CFAP54: variants seen among roughly 807,000 people sequenced by gnomAD.
CFAP54 encodes the protein cilia and flagella associated protein 54.
In CFAP54, 290 loss-of-function variants were observed where a neutral mutation model predicts 370.4. The observed-to-expected ratio is 0.78, with a 90% CI of 0.71 to 0.86. CFAP54 has a LOEUF of 0.86. CFAP54 is among the 40% of genes least tolerant of loss of function. The probability of loss-of-function intolerance (pLI) is 0.00; values close to 1 mark genes in which losing one functional copy is unlikely to be tolerated. For synonymous variants in CFAP54, 1,206 were observed against 1,236.5 expected (o/e 0.98, Z 0.52); for missense variants, 3,399 against 3,528.7 (o/e 0.96, Z 0.93).
intron 32 of CFAP54, among the ~76,000 whole-genome samples, chr12:96,635,866 G>T (rs1956659041): frequency 6.6e-6 from 1 of 152,182 alleles, no homozygotes; most frequent in Non-Finnish European, 1.5e-5. Context: ...TCTGAGCACA[G>T]GAGCTACTGT....
chr12:96,827,130 A>T (rs1959126966), intron 65 of CFAP54, among the ~76,000 whole-genome samples: 2 of 95,246 alleles, frequency 2.1e-5, no homozygotes, highest in African/African-American at 8.5e-5. Context: ...ATGTGCAATT[A>T]TATGTGATTA....
At chr12:96,599,812 A>T (rs145497012) in intron 26 of CFAP54, among the ~76,000 whole-genome samples, 1 of 152,178 alleles carries the variant, frequency 6.6e-6, no homozygotes, top group African/African-American at 2.4e-5. Flanking sequence ...TCTTCTTTTA[A>T]GAAGTGTCTG....
Position 96,489,807 on chromosome 12 carries a change from C to T in CFAP54, c.198C>T (p.Asp66=), listed in dbSNP as rs944866060. 2.0e-6 allele frequency: 3 copies of T among 1,535,976 alleles called. No individual in the cohort carries two copies. Among genetic ancestry groups the T allele is most frequent in the African/African-American group, 2.7e-5 (2 of 73,032 alleles). Residue 66 remains aspartate (D), a synonymous_variant, in exon 1 of 68, where the codon GAC becomes GAT. Coordinates refer to ENST00000524981, the MANE Select transcript of CFAP54 (RefSeq NM_001306084.2). The part of the protein sequence containing the change: ...LPLAVFYGPL[D]AKNPLLASCE... The stretch of plus-strand genomic sequence containing the variant: ...TAGCCGTGTTTTATGGGCCGCTGGA[C>T]GCGAAAAACCCGCTCCTGGCCTCTT...
At chr12:96,532,628 C>T (rs1343721663) in intron 9 of CFAP54, among the ~76,000 whole-genome samples, 1 of 151,936 alleles carries the variant, frequency 6.6e-6, no homozygotes, top group Non-Finnish European at 1.5e-5. Context: ...TATACCGTGC[C>T]CTTTTTTTTT....
Position 96,786,765 on chromosome 12 carries a change from A to T in CFAP54, c.8546A>T (p.Glu2849Val). The change falls in exon 62 of 68, where the codon GAA becomes GTA. Residue 2849 changes from glutamate (E) to valine (V), a missense_variant. Around this residue, in one of 3 missense-constraint regions of CFAP54, gnomAD observed 2,796 missense variants for 2,869.7 expected, o/e 0.97. Transcript: ENST00000524981. ...YNSELILRQKEVHFFLKKFLQ... is the reference protein window; with the variant it reads ...YNSELILRQKVVHFFLKKFLQ... Reference sequence around the variant, plus strand: ...TCTGAGTTGATTTTGCGCCAGAAAGAAGTGCATTTTTTCCTTAAAAAATTC... The same window carrying T: ...TCTGAGTTGATTTTGCGCCAGAAAGTAGTGCATTTTTTCCTTAAAAAATTC... 1 of 1,536,000 alleles carries T rather than the reference A, an allele frequency of 6.5e-7. No individual in the cohort carries two copies. Among genetic ancestry groups the T allele is most frequent in the South Asian group, 1.2e-5 (1 of 84,066 alleles).
At chr12:96,709,411 A>G (rs939217820) in intron 48 of CFAP54, among the ~76,000 whole-genome samples, 3 of 152,192 alleles carry the variant, frequency 2.0e-5, no homozygotes, top group Admixed American at 6.5e-5. Flanking sequence ...TTTCAATTGT[A>G]TTAGATGTTG....
intron 66 of CFAP54, among the ~76,000 whole-genome samples, chr12:96,853,474 A>C (rs1435920284): frequency 6.6e-6 from 1 of 152,150 alleles, no homozygotes; most frequent in Non-Finnish European, 1.5e-5. Flanking sequence ...TTTTGAAAGA[A>C]AGTGTATATG....
chr12:96,493,533 T>C lies in CFAP54; in HGVS notation c.317+3607T>C, dbSNP rs1321388548. ...TTTAGGAATGATAAATGCAGCTGGG[T>C]GCGGTGGCTCACGCCTGCAATCCCA... On this transcript the variant is annotated intron_variant, in intron 1 of 67. Coordinates refer to ENST00000524981, the MANE Select transcript of CFAP54 (RefSeq NM_001306084.2). Among the ~76,000 whole-genome samples the C allele has an allele frequency of 3.9e-5, 6 of 152,092 alleles. No homozygotes were observed. In the South Asian group the frequency reaches 1.2e-3, roughly 32 times the overall value.
chr12:96,843,525 G>T (rs1959249729), intron 66 of CFAP54, among the ~76,000 whole-genome samples: 1 of 152,180 alleles, frequency 6.6e-6, no homozygotes, highest in Non-Finnish European at 1.5e-5. Flanking sequence ...AGGTTCTGCT[G>T]TGCTAACAAA....
intron 60 of CFAP54, among the ~76,000 whole-genome samples, chr12:96,776,520 A>G (rs1254914141): frequency 6.6e-6 from 1 of 152,212 alleles, no homozygotes; most frequent in East Asian, 1.9e-4. Context: ...TCTGCAGACA[A>G]TCTGCTGCAA....
intron 63 of CFAP54, among the ~76,000 whole-genome samples, chr12:96,800,928 TG>T (rs1958813038): frequency 6.6e-6 from 1 of 152,212 alleles, no homozygotes; most frequent in Admixed American, 6.5e-5. Context: ...CATCTGAGCA[TG>T]GTGCCATATT....
At chr12:96,829,463 G>A (rs1053699771) in intron 66 of CFAP54, among the ~76,000 whole-genome samples, 1 of 151,644 alleles carries the variant, frequency 6.6e-6, no homozygotes, top group African/African-American at 2.4e-5. Flanking sequence ...TTTTTTCATC[G>A]AATAATAATT....
chr12:96,594,527 T>A, intron 25 of CFAP54, 81 bp downstream of exon 25: 1 of 1,153,002 alleles, frequency 8.7e-7, no homozygotes, highest in Non-Finnish European at 1.2e-6. Context: ...AAAAGCCATG[T>A]ATCTCTTATA....
chr12:96,612,232 T>C (rs1956366282), intron 26 of CFAP54, among the ~76,000 whole-genome samples: 1 of 152,216 alleles, frequency 6.6e-6, no homozygotes, highest in East Asian at 1.9e-4. Context: ...GGGGCCAATA[T>C]TCAACATTCT....
chr12:96,537,266 T>C (rs922467916), intron 12 of CFAP54, among the ~76,000 whole-genome samples: 3 of 152,148 alleles, frequency 2.0e-5, no homozygotes, highest in Non-Finnish European at 2.9e-5. Flanking sequence ...AGCTTTTGCC[T>C]TTCCTTCTTG....
chr12:96,568,585 T>C (rs1200330449), intron 19 of CFAP54, among the ~76,000 whole-genome samples: 1 of 152,168 alleles, frequency 6.6e-6, no homozygotes, highest in Non-Finnish European at 1.5e-5. Flanking sequence ...ATACATTTAT[T>C]TCCCTTGGCA....
At chr12:96,813,582 A>AACAC (rs1361605514) in intron 64 of CFAP54, among the ~76,000 whole-genome samples, 1 of 152,248 alleles carries the variant, frequency 6.6e-6, no homozygotes, top group Non-Finnish European at 1.5e-5. Flanking sequence ...CAACAAAGGA[A>AACAC]ACAATAGTGT....
chr12:96,741,567 G>A (rs768777101), intron 51 of CFAP54, among the ~76,000 whole-genome samples: 2 of 152,160 alleles, frequency 1.3e-5, no homozygotes, highest in Non-Finnish European at 2.9e-5. Flanking sequence ...CTCCTGGCTA[G>A]CACATGTTGC....
intron 50 of CFAP54, among the ~76,000 whole-genome samples, chr12:96,738,608 CTT>C (rs71068829): frequency 2.3e-5 from 3 of 129,222 alleles, no homozygotes; most frequent in Non-Finnish European, 4.7e-5. Context: ...TCTAAATCTC[CTT>C]TTTTTTTTTT....
Sources: gnomAD v4.1 joint callset for allele counts (sites outside exome capture counted in the v4.1 genomes callset) on GRCh38, gnomAD v4.1.1 for gene constraint, gnomAD v4.1.1 regional missense constraint, MANE v1.5 for transcripts, NCBI Gene and HGNC (gene_info 2026-07-23, HGNC 2026-07-21) for gene names.